Variants in GPC5 observed in about 807,000 individuals in gnomAD.
GPC5 encodes the protein glypican 5, also known as glypican-5.
Under a neutral mutation model 53.9 loss-of-function variants are expected in GPC5, and 47 were observed. The observed-to-expected ratio is 0.87, with a 90% CI of 0.69 to 1.11. GPC5 has a LOEUF of 1.11. Among genes scored for constraint, GPC5 ranks in the 50% most tolerant of loss-of-function variants. The pLI, the probability that GPC5 is intolerant of heterozygous loss-of-function variation, is 0.00. For synonymous variants in GPC5, 286 were observed against 263.3 expected (o/e 1.09, Z -0.84); for missense variants, 748 against 713.1 (o/e 1.05, Z -0.56).
chr13:91,620,583 C>T (rs1018051064), intron 2 of GPC5, among the ~76,000 whole-genome samples: 3 of 152,114 alleles, frequency 2.0e-5, no homozygotes, highest in Non-Finnish European at 2.9e-5. Flanking sequence ...ACATTGTCAT[C>T]GCTCATGCCA....
At chr13:91,590,618 A>G (rs1347397874) in intron 2 of GPC5, among the ~76,000 whole-genome samples, 1 of 152,216 alleles carries the variant, frequency 6.6e-6, no homozygotes, top group Non-Finnish European at 1.5e-5. Flanking sequence ...CAAATTTACT[A>G]CAAAAATAAT....
chr13:91,832,790 G>T (rs2038677614), intron 5 of GPC5, among the ~76,000 whole-genome samples: 1 of 151,960 alleles, frequency 6.6e-6, no homozygotes, highest in South Asian at 2.1e-4. Flanking sequence ...AGAGAAAGCA[G>T]GAAAGATCTA....
intron 7 of GPC5, among the ~76,000 whole-genome samples, chr13:92,754,648 A>G (rs1191437775): frequency 1.3e-5 from 2 of 151,464 alleles, no homozygotes; most frequent in African/African-American, 4.9e-5. Flanking sequence ...TACCAAGCAA[A>G]TGGAAAACAA....
At chr13:92,199,043 A>T (rs1042039678) in intron 7 of GPC5, among the ~76,000 whole-genome samples, 1 of 152,194 alleles carries the variant, frequency 6.6e-6, no homozygotes, top group Non-Finnish European at 1.5e-5. Flanking sequence ...TCTATGGAAA[A>T]ATAATTTGCC....
intron 5 of GPC5, among the ~76,000 whole-genome samples, chr13:91,823,708 C>A (rs1156966496): frequency 6.6e-6 from 1 of 151,892 alleles, no homozygotes; most frequent in Non-Finnish European, 1.5e-5. Flanking sequence ...TGCACAAAAC[C>A]AATTTTTGCT....
At position 92,379,805 on chromosome 13, in the gene GPC5, C is replaced by T. The variant is rs998834563; in HGVS notation, c.1561+234816C>T. 1.5e-4 allele frequency among the ~76,000 whole-genome samples: 23 copies of T among 152,326 alleles called. No individual in the cohort carries two copies. In the East Asian group the frequency reaches 4.2e-3, roughly 28 times the overall value. On this transcript the variant is annotated intron_variant, in intron 7 of 7. Coordinates refer to ENST00000377067, the MANE Select transcript of GPC5 (RefSeq NM_004466.6). ...TCAAATGTTGCCTCTCTCACTTACA[C>T]ATGGCTCACAGCAAGGATCCTCTCT...
At chr13:92,509,966 A>C (rs1360942512) in intron 7 of GPC5, 1 of 152,156 alleles carries the variant, frequency 6.6e-6, no homozygotes, top group Non-Finnish European at 1.5e-5. Flanking sequence ...ACATACTCTA[A>C]ATGTTGTAAG....
At chr13:92,032,609 T>C (rs2040861407) in intron 6 of GPC5, among the ~76,000 whole-genome samples, 1 of 152,150 alleles carries the variant, frequency 6.6e-6, no homozygotes, top group Non-Finnish European at 1.5e-5. Flanking sequence ...TGATCCAGCA[T>C]TAAGATCTGC....
chr13:91,916,107 T>G (rs1300027818), intron 6 of GPC5, among the ~76,000 whole-genome samples: 1 of 152,202 alleles, frequency 6.6e-6, no homozygotes, highest in East Asian at 1.9e-4. Flanking sequence ...CTTAATATCT[T>G]AAGCGTCAAT....
intron 7 of GPC5, among the ~76,000 whole-genome samples, chr13:92,340,788 A>T (rs544008802): frequency 6.6e-6 from 1 of 152,292 alleles, no homozygotes. Context: ...TGGCTTTTAG[A>T]CCTAACAGGT....
At chr13:91,551,511 G>T (rs1431982647) in intron 2 of GPC5, among the ~76,000 whole-genome samples, 1 of 152,096 alleles carries the variant, frequency 6.6e-6, no homozygotes, top group Non-Finnish European at 1.5e-5. Context: ...CAAATACTTG[G>T]AATAGCGAAT....
At chr13:92,660,965 T>C (rs1296341778) in intron 7 of GPC5, among the ~76,000 whole-genome samples, 1 of 152,132 alleles carries the variant, frequency 6.6e-6, no homozygotes, top group Non-Finnish European at 1.5e-5. Context: ...GAAGTTCTCC[T>C]ATGATTTTAT....
At chr13:92,818,774 G>T (rs1005031786) in intron 7 of GPC5, among the ~76,000 whole-genome samples, 1 of 151,878 alleles carries the variant, frequency 6.6e-6, no homozygotes, top group African/African-American at 2.4e-5. Context: ...AACTTCCACC[G>T]TTCAAGTGTC....
intron 2 of GPC5, among the ~76,000 whole-genome samples, chr13:91,663,789 C>T (rs1409602): frequency 0.24 from 36,979 of 152,006 alleles, 6,103 homozygotes; most frequent in African/African-American, 0.46. Context: ...TAATGAAAAA[C>T]CATTAAATTT....
chr13:92,294,672 T>C (rs190879606), intron 7 of GPC5, among the ~76,000 whole-genome samples: 95 of 152,230 alleles, frequency 6.2e-4, no homozygotes, highest in Admixed American at 3.8e-3. Flanking sequence ...TTCATTTATC[T>C]GTTTTGTTGC....
intron 6 of GPC5, among the ~76,000 whole-genome samples, chr13:91,985,653 A>G (rs2040400080): frequency 6.6e-6 from 1 of 152,146 alleles, no homozygotes; most frequent in Non-Finnish European, 1.5e-5. Flanking sequence ...GATTTGTTGT[A>G]GCCTATTTTA....
intron 5 of GPC5, among the ~76,000 whole-genome samples, chr13:91,885,527 C>G (rs1157134639): frequency 6.6e-6 from 1 of 152,156 alleles, no homozygotes; most frequent in Non-Finnish European, 1.5e-5. Context: ...GCCCTTGCAT[C>G]TTTTCCCAAT....
intron 5 of GPC5, among the ~76,000 whole-genome samples, chr13:91,840,151 A>G (rs1375468012): frequency 6.6e-6 from 1 of 152,106 alleles, no homozygotes; most frequent in Non-Finnish European, 1.5e-5. Flanking sequence ...GTGCTTCAAC[A>G]TTAAAAAAAA....
chr13:92,766,847 G>A (rs990541625), intron 7 of GPC5, among the ~76,000 whole-genome samples: 1 of 152,190 alleles, frequency 6.6e-6, no homozygotes, highest in Non-Finnish European at 1.5e-5. Flanking sequence ...GGGCATTGGT[G>A]AGAATATGAT....
Sources: gnomAD v4.1 joint callset for allele counts (sites outside exome capture counted in the v4.1 genomes callset) on GRCh38, gnomAD v4.1.1 for gene constraint, MANE v1.5 for transcripts, NCBI Gene and HGNC (gene_info 2026-07-23, HGNC 2026-07-21) for gene names.